The following TMEM178B variants were observed in gnomAD, a reference collection of about 807,000 sequenced individuals.
TMEM178B encodes the protein transmembrane protein 178B.
Under a neutral mutation model 31.0 loss-of-function variants are expected in TMEM178B, and 5 were observed. The ratio of observed to expected loss-of-function variants is 0.16; its 90% CI spans 0.08 to 0.34. TMEM178B has a LOEUF of 0.34. TMEM178B is among the 10% of genes least tolerant of loss of function. The probability of loss-of-function intolerance (pLI) is 1.00; values close to 1 mark genes in which losing one functional copy is unlikely to be tolerated. For synonymous variants in TMEM178B, 164 were observed against 164.0 expected (o/e 1.00, Z 0.00); for missense variants, 275 against 400.3 (o/e 0.69, Z 2.67).
At chr7:141,396,556 C>T (rs1051770442) in intron 2 of TMEM178B, among the ~76,000 whole-genome samples, 10 of 152,190 alleles carry the variant, frequency 6.6e-5, no homozygotes, top group Non-Finnish European at 1.2e-4. Context: ...GAGGCGACAG[C>T]GCTGGGACTA....
rs1466372026 is a variant in TMEM178B at position 141,478,676 on chromosome 7, T to A, written c.*7890T>A. On this transcript the variant is annotated 3_prime_UTR_variant, in exon 4 of 4. Transcript: ENST00000565468. ...ATCAATATAAAAATTACTGGGATAT[T>A]TTACATTCTTTTTTCCAAATGAAGT... 2.6e-5 allele frequency: 4 copies of A among 152,322 alleles called. No individual in the cohort carries two copies. In the South Asian group the frequency reaches 8.3e-4, roughly 32 times the overall value. 9.4% of individuals were successfully genotyped at this position (152,322 alleles called of 1,614,324 possible).
intron 1 of TMEM178B, among the ~76,000 whole-genome samples, chr7:141,103,756 T>C (rs1167031001): frequency 6.6e-6 from 1 of 152,252 alleles, no homozygotes; most frequent in African/African-American, 2.4e-5. Flanking sequence ...TTGTACCATA[T>C]AATATGTTTT....
chr7:141,181,178 A>G (rs1358847350), intron 1 of TMEM178B, among the ~76,000 whole-genome samples: 5 of 152,382 alleles, frequency 3.3e-5, no homozygotes, highest in South Asian at 2.1e-4. Context: ...GCCAGAGACT[A>G]GGAACAAATG....
chr7:141,150,388 T>C (rs1253696282), intron 1 of TMEM178B, among the ~76,000 whole-genome samples: 1 of 152,220 alleles, frequency 6.6e-6, no homozygotes. Context: ...TTTCTTTTAC[T>C]TTAACTGGGT....
intron 2 of TMEM178B, among the ~76,000 whole-genome samples, chr7:141,308,671 A>G (rs776775759): frequency 3.9e-5 from 6 of 152,228 alleles, no homozygotes; most frequent in Admixed American, 6.5e-5. Flanking sequence ...TTGGTCTCCT[A>G]TCACCGTAGA....
At chr7:141,372,168 A>G (rs1168404926) in intron 2 of TMEM178B, among the ~76,000 whole-genome samples, 1 of 152,100 alleles carries the variant, frequency 6.6e-6, no homozygotes, top group Non-Finnish European at 1.5e-5. Context: ...CCCTTGGCCA[A>G]GTCACCAATG....
chr7:141,165,039 A>G (rs1193185979), intron 1 of TMEM178B, among the ~76,000 whole-genome samples: 2 of 152,210 alleles, frequency 1.3e-5, no homozygotes, highest in East Asian at 1.9e-4. Flanking sequence ...TAGTACAGAG[A>G]GTTTCCGTGT....
intron 2 of TMEM178B, among the ~76,000 whole-genome samples, chr7:141,303,790 A>G (rs1415107928): frequency 6.6e-6 from 1 of 152,222 alleles, no homozygotes; most frequent in Non-Finnish European, 1.5e-5. Context: ...GGAGCAAAGC[A>G]TATTTATTGT....
At chr7:141,195,371 T>A (rs893573336) in intron 1 of TMEM178B, among the ~76,000 whole-genome samples, 3 of 152,232 alleles carry the variant, frequency 2.0e-5, no homozygotes, top group Non-Finnish European at 4.4e-5. Context: ...AAGTTATCTT[T>A]CTCAAGTTCA....
intron 2 of TMEM178B, among the ~76,000 whole-genome samples, chr7:141,304,121 A>C (rs974993630): frequency 6.6e-6 from 1 of 152,218 alleles, no homozygotes; most frequent in Non-Finnish European, 1.5e-5. Context: ...CTGATGAAGG[A>C]AGCTGCCTTT....
At chr7:141,314,068 C>T (rs139586183) in intron 2 of TMEM178B, among the ~76,000 whole-genome samples, 4 of 152,342 alleles carry the variant, frequency 2.6e-5, no homozygotes, top group African/African-American at 4.8e-5. Flanking sequence ...GCCTCTGCCT[C>T]GGCTGAGTAT....
intron 2 of TMEM178B, among the ~76,000 whole-genome samples, chr7:141,230,065 C>T (rs1392615681): frequency 2.0e-5 from 3 of 152,120 alleles, no homozygotes; most frequent in Non-Finnish European, 4.4e-5. Flanking sequence ...ATTACTTCAT[C>T]ATATTCTACG....
At chr7:141,468,859 C>T (rs1170708439) in intron 3 of TMEM178B, among the ~76,000 whole-genome samples, 1 of 152,204 alleles carries the variant, frequency 6.6e-6, no homozygotes, top group East Asian at 1.9e-4. Context: ...TATAGACCGG[C>T]TTGAGGTGGC....
chr7:141,319,269 C>T (rs1214842430), intron 2 of TMEM178B, among the ~76,000 whole-genome samples: 1 of 152,184 alleles, frequency 6.6e-6, no homozygotes, highest in African/African-American at 2.4e-5. Context: ...AACCTTCTGG[C>T]CATTTGTAGC....
intron 1 of TMEM178B, among the ~76,000 whole-genome samples, chr7:141,135,852 T>C (rs959675647): frequency 6.6e-6 from 1 of 151,774 alleles, no homozygotes; most frequent in African/African-American, 2.4e-5. Flanking sequence ...AATCCCAAAT[T>C]AGTAAAAGGA....
intron 2 of TMEM178B, among the ~76,000 whole-genome samples, chr7:141,408,601 C>T (rs1016658512): frequency 2.0e-5 from 3 of 152,066 alleles, no homozygotes; most frequent in African/African-American, 7.2e-5. Flanking sequence ...CTGAATGGAG[C>T]TTGCATATGT....
At chr7:141,145,990 A>G (rs1390064808) in intron 1 of TMEM178B, among the ~76,000 whole-genome samples, 3 of 152,210 alleles carry the variant, frequency 2.0e-5, no homozygotes, top group Non-Finnish European at 4.4e-5. Flanking sequence ...TGGAGTAACA[A>G]GGGGAAGGGA....
intron 2 of TMEM178B, among the ~76,000 whole-genome samples, chr7:141,331,857 T>C (rs1012807085): frequency 1.3e-5 from 2 of 152,222 alleles, no homozygotes; most frequent in Non-Finnish European, 2.9e-5. Context: ...CCTTGGGGTT[T>C]TCTTCCTGGT....
intron 2 of TMEM178B, among the ~76,000 whole-genome samples, chr7:141,261,049 T>C (rs898079481): frequency 2.0e-5 from 3 of 152,234 alleles, no homozygotes; most frequent in Non-Finnish European, 2.9e-5. Context: ...TCAGCCTTAG[T>C]GACTGAAAAG....
Sources: allele counts gnomAD v4.1 joint callset (sites outside exome capture counted in the v4.1 genomes callset), GRCh38; gene constraint gnomAD v4.1.1; transcripts MANE v1.5; gene names NCBI Gene and HGNC (gene_info 2026-07-23, HGNC 2026-07-21).